Variants in AGBL1 observed in about 807,000 individuals in gnomAD.
AGBL1 encodes AGBL carboxypeptidase 1.
A neutral mutation model predicts 118.9 loss-of-function variants in AGBL1; 130 were observed. The ratio of observed to expected loss-of-function variants is 1.09; its 90% confidence interval spans 0.95 to 1.26. The LOEUF is 1.26. AGBL1 is among the 50% of genes most tolerant of loss of function. AGBL1 has a pLI of 0.00. For missense variants in AGBL1, 1,584 were observed against 1,298.1 expected (o/e 1.22, Z -3.38); for synonymous variants, 555 against 478.9 (o/e 1.16, Z -2.08).
chr15:86,539,157 A>G (rs991536116), intron 19 of AGBL1, among the ~76,000 whole-genome samples: 1 of 152,220 alleles, frequency 6.6e-6, no homozygotes, highest in Admixed American at 6.5e-5. Flanking sequence ...CCAAAGTTCA[A>G]AACTAAACAC....
chr15:86,476,881 C>G (rs1288546431), intron 18 of AGBL1, among the ~76,000 whole-genome samples: 6 of 152,248 alleles, frequency 3.9e-5, no homozygotes, highest in Non-Finnish European at 8.8e-5. Context: ...AACAAAGTGT[C>G]TCTCAGACCA....
chr15:86,202,827 G>A (rs2077928956), intron 5 of AGBL1, among the ~76,000 whole-genome samples: 2 of 152,154 alleles, frequency 1.3e-5, no homozygotes, highest in Non-Finnish European at 2.9e-5. Flanking sequence ...CAAAGCCCTG[G>A]TGCTAAGTGC....
intron 22 of AGBL1, among the ~76,000 whole-genome samples, chr15:86,831,234 A>G (rs2079099897): frequency 6.6e-6 from 1 of 152,188 alleles, no homozygotes; most frequent in Non-Finnish European, 1.5e-5. Context: ...TTGGGTGCAG[A>G]CAGAGCCAAA....
At chr15:86,388,252 A>G (rs7494869) in intron 17 of AGBL1, among the ~76,000 whole-genome samples, 8,195 of 152,160 alleles carry the variant, frequency 0.054, 465 homozygotes, top group African/African-American at 0.15. Context: ...TTCTTCTGCT[A>G]CCACCCAACT....
intron 17 of AGBL1, among the ~76,000 whole-genome samples, chr15:86,309,571 G>C (rs2079889937): frequency 6.6e-6 from 1 of 152,140 alleles, no homozygotes; most frequent in Non-Finnish European, 1.5e-5. Context: ...TCATGTTGCA[G>C]TAAGTTTCTT....
chr15:86,454,050 T>C (rs1381493810), intron 18 of AGBL1, among the ~76,000 whole-genome samples: 1 of 152,206 alleles, frequency 6.6e-6, no homozygotes, highest in Non-Finnish European at 1.5e-5. Context: ...TGTGACTTTT[T>C]CTTACTCTCT....
intron 22 of AGBL1, among the ~76,000 whole-genome samples, chr15:86,854,243 A>G (rs140049323): frequency 2.2e-3 from 336 of 152,254 alleles, no homozygotes; most frequent in Non-Finnish European, 3.4e-3. Flanking sequence ...TGGAGTGGTA[A>G]TGGACATGTA....
chr15:86,396,829 T>A (rs747849943), intron 17 of AGBL1, among the ~76,000 whole-genome samples: 1 of 152,182 alleles, frequency 6.6e-6, no homozygotes, highest in Non-Finnish European at 1.5e-5. Context: ...TTGCCTGAGA[T>A]CCCAGAGGTA....
chr15:86,263,351 C>A (rs2079023237), intron 10 of AGBL1, among the ~76,000 whole-genome samples: 1 of 152,194 alleles, frequency 6.6e-6, no homozygotes, highest in African/African-American at 2.4e-5. Flanking sequence ...AGCCTAGGTA[C>A]ACCGTAGGCT....
intron 22 of AGBL1, among the ~76,000 whole-genome samples, chr15:86,741,382 A>AAAAAAAG (rs2077676221): frequency 1.9e-5 from 1 of 52,544 alleles, no homozygotes; most frequent in African/African-American, 7.1e-5. Context: ...AAGGCAAAGC[A>AAAAAAAG]AAAAAAAAAA....
intron 16 of AGBL1, among the ~76,000 whole-genome samples, chr15:86,291,753 TTGTGTG>T (rs141060910): frequency 6.6e-6 from 1 of 151,972 alleles, no homozygotes; most frequent in African/African-American, 2.4e-5. Flanking sequence ...GTTGTGTAGG[TTGTGTG>T]TGTGTGCTTG....
intron 22 of AGBL1, among the ~76,000 whole-genome samples, chr15:86,847,466 T>C (rs535246706): frequency 5.3e-5 from 8 of 152,364 alleles, no homozygotes; most frequent in African/African-American, 1.7e-4. Flanking sequence ...GACTAAGTCT[T>C]TGTCATCTGT....
At chr15:86,875,223 C>G in intron 22 of AGBL1, among the ~76,000 whole-genome samples, 1 of 152,168 alleles carries the variant, frequency 6.6e-6, no homozygotes, top group South Asian at 2.1e-4. Context: ...CCACACCCTG[C>G]TCAGGGCAGG....
At chr15:86,966,134 C>A (rs767176113) in intron 23 of AGBL1, among the ~76,000 whole-genome samples, 1 of 151,886 alleles carries the variant, frequency 6.6e-6, no homozygotes, top group Non-Finnish European at 1.5e-5. Flanking sequence ...TTACTGAAAA[C>A]GCCTTTTCAA....
At chr15:86,647,454 A>C (rs1280744529) in intron 21 of AGBL1, among the ~76,000 whole-genome samples, 2 of 152,352 alleles carry the variant, frequency 1.3e-5, no homozygotes, top group East Asian at 3.9e-4. Flanking sequence ...TAATCCCAGC[A>C]CTTTGGGAGG....
At chr15:86,807,723 G>C (rs1026164625) in intron 22 of AGBL1, among the ~76,000 whole-genome samples, 1 of 152,070 alleles carries the variant, frequency 6.6e-6, no homozygotes, top group African/African-American at 2.4e-5. Flanking sequence ...ACTTGGAAGT[G>C]AATCCTCACT....
At chr15:86,946,217 C>G (rs764898163) in intron 23 of AGBL1, 11 of 152,268 alleles carry the variant, frequency 7.2e-5, no homozygotes, top group South Asian at 2.1e-4. Context: ...TTGGAAGAAG[C>G]CTTTGGAAAA....
intron 18 of AGBL1, among the ~76,000 whole-genome samples, chr15:86,419,405 A>G (rs557571922): frequency 1.3e-5 from 2 of 152,262 alleles, no homozygotes; most frequent in East Asian, 3.9e-4. Context: ...GCACTGTGCC[A>G]TGAGGAATGA....
At chr15:86,714,030 T>C (rs1005804111) in intron 22 of AGBL1, among the ~76,000 whole-genome samples, 1 of 152,192 alleles carries the variant, frequency 6.6e-6, no homozygotes, top group Non-Finnish European at 1.5e-5. Flanking sequence ...CCTGTGTCGA[T>C]AGCTGAACTT....
Sources: allele counts gnomAD v4.1 joint callset (sites outside exome capture counted in the v4.1 genomes callset), GRCh38; gene constraint gnomAD v4.1.1; transcripts MANE v1.5; gene names NCBI Gene and HGNC (gene_info 2026-07-23, HGNC 2026-07-21).